The following LEKR1 variants were observed in gnomAD, a reference collection of about 807,000 sequenced individuals.
LEKR1 encodes the protein leucine, glutamate and lysine rich 1.
LEKR1 carries 59 observed loss-of-function variants against 72.4 expected under a neutral mutation model. The ratio of observed to expected loss-of-function variants is 0.82; its 90% confidence interval spans 0.66 to 1.01. The LOEUF (loss-of-function observed/expected upper bound fraction) is 1.01. Among genes scored for constraint, LEKR1 ranks in the 50% least tolerant of loss-of-function variants. The pLI, the probability that LEKR1 is intolerant of heterozygous loss-of-function variation, is 0.00. For missense variants in LEKR1, 728 were observed against 759.2 expected, an observed-to-expected ratio of 0.96 and a Z score of 0.48; for synonymous variants, 257 against 263.2, an observed-to-expected ratio of 0.98 and a Z score of 0.23.
At chr3:156,986,754 G>A (rs186378047) in intron 7 of LEKR1, among the ~76,000 whole-genome samples, 22 of 152,274 alleles carry the variant, frequency 1.4e-4, no homozygotes, top group Admixed American at 2.6e-4. Flanking sequence ...GGGAATAAGG[G>A]CTTCTTTGAG....
At chr3:156,862,036 C>T (rs541734299) in intron 3 of LEKR1, among the ~76,000 whole-genome samples, 1 of 152,088 alleles carries the variant, frequency 6.6e-6, no homozygotes, top group South Asian at 2.1e-4. Context: ...TTCCTTGTTA[C>T]TAAAACTGGC....
At chr3:156,916,089 C>T (rs1019412016) in intron 3 of LEKR1, among the ~76,000 whole-genome samples, 18 of 151,818 alleles carry the variant, frequency 1.2e-4, no homozygotes, top group East Asian at 3.9e-4. Context: ...TTCTTATTTC[C>T]GAGCTCTCTC....
At chr3:156,865,209 T>C (rs1163265453) in intron 3 of LEKR1, among the ~76,000 whole-genome samples, 2 of 152,018 alleles carry the variant, frequency 1.3e-5, no homozygotes, top group African/African-American at 2.4e-5. Context: ...ATTAAGGTAG[T>C]GTTGAGGCTG....
intron 7 of LEKR1, among the ~76,000 whole-genome samples, chr3:156,990,633 A>T (rs1731077765): frequency 6.6e-6 from 1 of 152,194 alleles, no homozygotes; most frequent in Non-Finnish European, 1.5e-5. Flanking sequence ...GTACAGACTC[A>T]TCAATTCCTT....
chr3:156,916,572 A>G (rs1352871996), intron 3 of LEKR1, among the ~76,000 whole-genome samples: 1 of 152,068 alleles, frequency 6.6e-6, no homozygotes, highest in African/African-American at 2.4e-5. Context: ...TTGTTGGTGT[A>G]TAGGAATAGT....
intron 3 of LEKR1, among the ~76,000 whole-genome samples, chr3:156,884,007 T>A (rs1022964930): frequency 1.3e-5 from 2 of 152,244 alleles, no homozygotes; most frequent in African/African-American, 4.8e-5. Context: ...CTTACTGGAC[T>A]ATTTTTTACC....
At chr3:156,997,955 C>T (rs937939637) in intron 9 of LEKR1, among the ~76,000 whole-genome samples, 22 of 152,168 alleles carry the variant, frequency 1.4e-4, no homozygotes, top group African/African-American at 4.6e-4. Flanking sequence ...TAGGTCTTCT[C>T]GAATCATGGG....
At chr3:156,832,381 T>G (rs539618297) in intron 2 of LEKR1, among the ~76,000 whole-genome samples, 1 of 152,294 alleles carries the variant, frequency 6.6e-6, no homozygotes, top group South Asian at 2.1e-4. Flanking sequence ...TGTACTATAG[T>G]TTTTTTCTGA....
chr3:156,980,821 T>C (rs952565825), intron 7 of LEKR1, among the ~76,000 whole-genome samples: 3 of 152,146 alleles, frequency 2.0e-5, no homozygotes, highest in African/African-American at 4.8e-5. Context: ...AAGCTTAACA[T>C]AGAAATGAGC....
rs191078267 is a variant in LEKR1, at chr3:157,024,776, C to G, written c.1220C>G (p.Ala407Gly). The G allele has an allele frequency of 2.1e-5, 33 of 1,604,736 alleles. No homozygotes were observed. The East Asian group carries it at 7.2e-4, about 35-fold the overall frequency. Residue 407 changes from alanine (A) to glycine (G), a missense_variant, in exon 11 of 13, where the codon GCC (alanine) becomes GGC (glycine). Ala to Gly is a moderately conservative substitution (Grantham distance 60). Coordinates refer to ENST00000356539, the MANE Select transcript of LEKR1 (RefSeq NM_001004316.3). The stretch of plus-strand genomic sequence containing the variant: ...CATTTCTAGATTGAAGCAGAACTTG[C>G]CAAGGAAAGGGCCCAACACTTGGTT... ...NWKEKIEAELAKERAQHLVEF... is the reference protein window; with the variant it reads ...NWKEKIEAELGKERAQHLVEF...
chr3:156,892,034 G>A (rs193282099), intron 3 of LEKR1, among the ~76,000 whole-genome samples: 3 of 151,726 alleles, frequency 2.0e-5, no homozygotes, highest in Admixed American at 1.3e-4. Flanking sequence ...GTAGCCCCCC[G>A]CCCCGCTACC....
chr3:157,036,837 G>A (rs1735001676), intron 12 of LEKR1, among the ~76,000 whole-genome samples: 1 of 152,146 alleles, frequency 6.6e-6, no homozygotes, highest in African/African-American at 2.4e-5. Context: ...TACATGGGGT[G>A]TTTGAACATG....
rs74525697 is a variant in LEKR1, at chr3:156,893,794, A to G, written c.264-26781A>G. ...TCAGCCTCAGCAATGCAAAAATAGCATAATATAGCATCTCCAGGTGTAGGA... is the reference window on the plus strand; with the variant it reads ...TCAGCCTCAGCAATGCAAAAATAGCGTAATATAGCATCTCCAGGTGTAGGA... On this transcript the variant is annotated intron_variant, in intron 3 of 12. Coordinates refer to ENST00000356539, the MANE Select transcript of LEKR1 (RefSeq NM_001004316.3). Among the ~76,000 whole-genome samples the G allele has an allele frequency of 1.1e-3, 168 of 152,334 alleles. 3 individuals are homozygous for G. The East Asian group carries it at 0.029, about 26-fold the overall frequency.
At chr3:156,866,415 G>A (rs988957059) in intron 3 of LEKR1, among the ~76,000 whole-genome samples, 1 of 151,894 alleles carries the variant, frequency 6.6e-6, no homozygotes, top group Non-Finnish European at 1.5e-5. Flanking sequence ...AGGCAGATTG[G>A]TCTTCTTGCA....
chr3:156,841,549 C>G (rs929542933), intron 2 of LEKR1, among the ~76,000 whole-genome samples: 1 of 152,094 alleles, frequency 6.6e-6, no homozygotes, highest in Admixed American at 6.5e-5. Flanking sequence ...GTGTGCTAGT[C>G]GTAGACTTGG....
intron 3 of LEKR1, among the ~76,000 whole-genome samples, chr3:156,904,127 A>C (rs139396594): frequency 1.3e-5 from 2 of 152,232 alleles, no homozygotes; most frequent in Non-Finnish European, 1.5e-5. Flanking sequence ...ACCAACGCCT[A>C]CTGGGCATTG....
intron 2 of LEKR1, among the ~76,000 whole-genome samples, chr3:156,843,105 G>A (rs1714146942): frequency 2.0e-5 from 3 of 152,142 alleles, no homozygotes; most frequent in Admixed American, 6.5e-5. Context: ...TATTCTGAAA[G>A]CAGAATATAC....
At chr3:156,921,678 A>T (rs929369219) in intron 4 of LEKR1, among the ~76,000 whole-genome samples, 1 of 152,252 alleles carries the variant, frequency 6.6e-6, no homozygotes, top group Admixed American at 6.5e-5. Context: ...GACTATCAGT[A>T]TTCATTTTTG....
chr3:156,893,016 T>G (rs893377313), intron 3 of LEKR1, among the ~76,000 whole-genome samples: 1 of 152,212 alleles, frequency 6.6e-6, no homozygotes, highest in Non-Finnish European at 1.5e-5. Flanking sequence ...TGGAGCCTTG[T>G]AAGGTCAGGA....
Sources: gnomAD v4.1 joint callset for allele counts (sites outside exome capture counted in the v4.1 genomes callset) on GRCh38, gnomAD v4.1.1 for gene constraint, MANE v1.5 for transcripts, NCBI Gene and HGNC (gene_info 2026-07-23, HGNC 2026-07-21) for gene names.